SCFD2: variants seen among roughly 807,000 people sequenced by gnomAD.
SCFD2 encodes sec1 family domain-containing protein 2.
Under a neutral mutation model 58.9 loss-of-function variants are expected in SCFD2, and 54 were observed. The ratio of observed to expected loss-of-function variants is 0.92; its 90% CI spans 0.74 to 1.15. SCFD2 has a LOEUF of 1.15. Among genes scored for constraint, SCFD2 ranks in the 50% most tolerant of loss-of-function variants. The pLI is 0.00. For missense variants in SCFD2, 805 were observed against 836.6 expected, an observed-to-expected ratio of 0.96 and a Z score of 0.47; for synonymous variants, 321 against 335.9, an observed-to-expected ratio of 0.96 and a Z score of 0.49.
intron 4 of SCFD2, among the ~76,000 whole-genome samples, chr4:53,153,233 C>T (rs1245353562): frequency 2.0e-5 from 3 of 152,218 alleles, no homozygotes; most frequent in African/African-American, 4.8e-5. Flanking sequence ...AGGGGCTCCA[C>T]CTCTTCAACA....
chr4:53,177,444 TG>T (rs1727375348), intron 4 of SCFD2, among the ~76,000 whole-genome samples: 1 of 151,858 alleles, frequency 6.6e-6, no homozygotes, highest in Non-Finnish European at 1.5e-5. Flanking sequence ...TTTATTTGTT[TG>T]TTTGTTTGTT....
intron 5 of SCFD2, among the ~76,000 whole-genome samples, chr4:52,941,824 C>T (rs772309618): frequency 2.0e-5 from 3 of 152,188 alleles, no homozygotes; most frequent in Admixed American, 6.5e-5. Context: ...CAAAATGCTT[C>T]GGACCAGAAG....
intron 5 of SCFD2, among the ~76,000 whole-genome samples, chr4:52,935,612 G>A (rs1004051673): frequency 6.6e-6 from 1 of 152,136 alleles, no homozygotes; most frequent in Admixed American, 6.5e-5. Context: ...TAATGGCATG[G>A]GGATCCACCA....
intron 5 of SCFD2, among the ~76,000 whole-genome samples, chr4:52,976,036 G>C (rs935244917): frequency 2.7e-5 from 3 of 111,964 alleles, no homozygotes; most frequent in African/African-American, 1.0e-4. Flanking sequence ...GGTGGGGGGA[G>C]GGGGGAGGGA....
chr4:53,015,236 G>A (rs1577660908), intron 5 of SCFD2, among the ~76,000 whole-genome samples: 2 of 152,142 alleles, frequency 1.3e-5, no homozygotes, highest in East Asian at 3.9e-4. Context: ...TACTTGGATG[G>A]TCAGGACACA....
chr4:53,083,051 T>C (rs968915739), intron 5 of SCFD2, among the ~76,000 whole-genome samples: 1 of 152,122 alleles, frequency 6.6e-6, no homozygotes, highest in Non-Finnish European at 1.5e-5. Context: ...CTAATATAGA[T>C]TTTGGTACTG....
chr4:52,970,556 A>G (rs1721073602), intron 5 of SCFD2, among the ~76,000 whole-genome samples: 1 of 152,218 alleles, frequency 6.6e-6, no homozygotes, highest in African/African-American at 2.4e-5. Context: ...AAGCTCAAGG[A>G]GGCCTGCCTG....
intron 5 of SCFD2, chr4:52,956,383 T>C (rs1720713053): frequency 2.7e-6 from 1 of 373,204 alleles, no homozygotes; most frequent in Non-Finnish European, 5.2e-6. Flanking sequence ...AAATCCAGCT[T>C]AAATTATCTT....
intron 5 of SCFD2, among the ~76,000 whole-genome samples, chr4:53,011,322 C>T (rs1286393143): frequency 6.6e-6 from 1 of 152,140 alleles, no homozygotes; most frequent in East Asian, 1.9e-4. Flanking sequence ...CAGCCTTCCA[C>T]AGCTGCAGAG....
At chr4:53,166,238 T>C (rs940442229) in intron 4 of SCFD2, among the ~76,000 whole-genome samples, 3 of 152,248 alleles carry the variant, frequency 2.0e-5, no homozygotes, top group South Asian at 2.1e-4. Flanking sequence ...TAAACATTGA[T>C]GTATCAGATA....
At chr4:52,970,752 C>T (rs1721079295) in intron 5 of SCFD2, among the ~76,000 whole-genome samples, 1 of 152,354 alleles carries the variant, frequency 6.6e-6, no homozygotes, top group African/African-American at 2.4e-5. Flanking sequence ...AGTAGCCTAA[C>T]TGGGAGGCAT....
intron 4 of SCFD2, among the ~76,000 whole-genome samples, chr4:53,219,358 C>T (rs1459455085): frequency 4.6e-5 from 7 of 152,322 alleles, no homozygotes; most frequent in East Asian, 1.9e-4. Flanking sequence ...CCCCCAGCCT[C>T]GCTGCCGCCT....
chr4:53,179,264 C>T (rs1727457185), intron 4 of SCFD2, among the ~76,000 whole-genome samples: 1 of 152,152 alleles, frequency 6.6e-6, no homozygotes, highest in Admixed American at 6.5e-5. Context: ...GGTTGGGTTA[C>T]CCACAAAGGG....
rs184407737 is a variant in SCFD2 at position 52,938,351 on chromosome 4, C to A, written c.1562-17481G>T. ...AACCCAGGCAGTCTGAGCCCAGAGC[C>A]CAGACTCCTAAATGTTATGTTTTTA... On this transcript the variant is annotated intron_variant, in intron 5 of 8. Coordinates refer to ENST00000401642, the MANE Select transcript of SCFD2 (RefSeq NM_152540.4). 5.7e-4 allele frequency among the ~76,000 whole-genome samples: 86 copies of A among 152,130 alleles called. 1 individual carries two copies. The East Asian group carries it at 0.015, about 26-fold the overall frequency.
At chr4:53,020,006 G>T (rs1560511827) in intron 5 of SCFD2, among the ~76,000 whole-genome samples, 2 of 152,120 alleles carry the variant, frequency 1.3e-5, no homozygotes, top group Non-Finnish European at 2.9e-5. Flanking sequence ...CTGGGCTACT[G>T]ATCTTCCTGA....
chr4:53,104,894 G>A (rs1159098303), intron 5 of SCFD2, among the ~76,000 whole-genome samples: 2 of 152,100 alleles, frequency 1.3e-5, no homozygotes, highest in African/African-American at 4.8e-5. Context: ...AGAGTGGCTG[G>A]CAAGATGGCT....
At chr4:53,142,966 T>C (rs1003733984) in intron 5 of SCFD2, among the ~76,000 whole-genome samples, 2 of 152,218 alleles carry the variant, frequency 1.3e-5, no homozygotes, top group African/African-American at 2.4e-5. Flanking sequence ...CTTAGTATTA[T>C]AAGATGTCTC....
intron 4 of SCFD2, among the ~76,000 whole-genome samples, chr4:53,252,886 A>AT (rs1730449631): frequency 6.6e-6 from 1 of 152,192 alleles, no homozygotes; most frequent in Non-Finnish European, 1.5e-5. Flanking sequence ...AAATTGACAA[A>AT]TGGGATCTCA....
intron 5 of SCFD2, among the ~76,000 whole-genome samples, chr4:53,073,034 G>A (rs1233600423): frequency 1.3e-5 from 2 of 152,006 alleles, no homozygotes; most frequent in African/African-American, 4.8e-5. Flanking sequence ...TCAAACAACT[G>A]CAGCACAAAA....
Sources: allele counts gnomAD v4.1 joint callset (sites outside exome capture counted in the v4.1 genomes callset), GRCh38; gene constraint gnomAD v4.1.1; transcripts MANE v1.5; gene names NCBI Gene and HGNC (gene_info 2026-07-23, HGNC 2026-07-21).